The following NCAM2 variants were observed in gnomAD, a reference collection of about 807,000 sequenced individuals.
NCAM2 encodes N-CAM-2.
A neutral mutation model predicts 98.1 loss-of-function variants in NCAM2; 30 were observed. The observed-to-expected ratio is 0.31, with a 90% CI of 0.23 to 0.41. The LOEUF (loss-of-function observed/expected upper bound fraction) is 0.41. Among genes scored for constraint, NCAM2 ranks in the 10% least tolerant of loss-of-function variants. The probability of loss-of-function intolerance (pLI) is 1.00; values close to 1 mark genes in which losing one functional copy is unlikely to be tolerated. For missense variants in NCAM2, 867 were observed against 1,005.8 expected (o/e 0.86, Z 1.87); for synonymous variants, 368 against 342.4 (o/e 1.07, Z -0.83).
intron 16 of NCAM2, among the ~76,000 whole-genome samples, chr21:21,533,139 G>A (rs1315615697): frequency 2.9e-5 from 3 of 104,686 alleles, no homozygotes; most frequent in Non-Finnish European, 6.3e-5. Context: ...TCAATCTTTG[G>A]ACCATTGTAG....
chr21:21,253,836 C>G (rs2071562006), intron 1 of NCAM2, among the ~76,000 whole-genome samples: 1 of 151,976 alleles, frequency 6.6e-6, no homozygotes, highest in Non-Finnish European at 1.5e-5. Flanking sequence ...GTTCTAAGGC[C>G]CAGTAGGTAA....
At chr21:21,107,963 T>C (rs984518583) in intron 1 of NCAM2, among the ~76,000 whole-genome samples, 6 of 152,168 alleles carry the variant, frequency 3.9e-5, no homozygotes, top group South Asian at 2.1e-4. Flanking sequence ...AATTTATTAA[T>C]ATGTATTTGA....
At chr21:21,307,622 C>T (rs2073925989) in intron 5 of NCAM2, among the ~76,000 whole-genome samples, 1 of 152,088 alleles carries the variant, frequency 6.6e-6, no homozygotes. Context: ...TGGCAGAATC[C>T]AGCCTCTTTC....
chr21:21,093,273 T>C (rs1601345299), intron 1 of NCAM2, among the ~76,000 whole-genome samples: 1 of 152,140 alleles, frequency 6.6e-6, no homozygotes, highest in East Asian at 1.9e-4. Flanking sequence ...AGACTACCTC[T>C]TCTTCAGGGA....
chr21:21,103,163 G>A (rs2066279466), intron 1 of NCAM2, among the ~76,000 whole-genome samples: 1 of 151,880 alleles, frequency 6.6e-6, no homozygotes, highest in Non-Finnish European at 1.5e-5. Flanking sequence ...TATTATTGGG[G>A]GTGAAATCTC....
chr21:21,495,606 A>G (rs1160140716), intron 15 of NCAM2, among the ~76,000 whole-genome samples: 5 of 152,040 alleles, frequency 3.3e-5, no homozygotes, highest in Admixed American at 1.3e-4. Flanking sequence ...TACTGAATTC[A>G]CTTGCAAGCT....
chr21:21,152,724 C>T (rs1439980406), intron 1 of NCAM2, among the ~76,000 whole-genome samples: 2 of 151,908 alleles, frequency 1.3e-5, no homozygotes, highest in East Asian at 3.9e-4. Context: ...ACTTGGAAAT[C>T]TCTCAGCAAC....
chr21:21,275,384 G>A (rs928588856), intron 1 of NCAM2, among the ~76,000 whole-genome samples: 2 of 151,586 alleles, frequency 1.3e-5, no homozygotes, highest in African/African-American at 4.8e-5. Context: ...AGCTTGCAGT[G>A]AGCTGAGATC....
intron 15 of NCAM2, among the ~76,000 whole-genome samples, chr21:21,488,961 TTTTC>T (rs1986622769): frequency 6.6e-6 from 1 of 151,884 alleles, no homozygotes; most frequent in South Asian, 2.1e-4. Flanking sequence ...TTTAATTATG[TTTTC>T]TTTTTCTATT....
At chr21:21,321,584 A>G (rs181502237) in intron 5 of NCAM2, among the ~76,000 whole-genome samples, 1 of 152,274 alleles carries the variant, frequency 6.6e-6, no homozygotes, top group Admixed American at 6.5e-5. Context: ...ATCTTAAGTT[A>G]ATCTTTGTGT....
intron 1 of NCAM2, among the ~76,000 whole-genome samples, chr21:21,270,072 A>G (rs746743933): frequency 6.6e-6 from 1 of 152,168 alleles, no homozygotes; most frequent in Non-Finnish European, 1.5e-5. Context: ...GCACAGTGCA[A>G]ACACTCCTGT....
intron 5 of NCAM2, among the ~76,000 whole-genome samples, chr21:21,305,184 G>A (rs1444914004): frequency 6.6e-6 from 1 of 152,068 alleles, no homozygotes; most frequent in African/African-American, 2.4e-5. Context: ...TGAGCTTGGT[G>A]GTGGGCACCT....
chr21:21,301,281 C>T (rs1280604713), intron 5 of NCAM2, among the ~76,000 whole-genome samples: 1 of 151,752 alleles, frequency 6.6e-6, no homozygotes, highest in East Asian at 1.9e-4. Flanking sequence ...GCAGTTGTTT[C>T]TGGGGACTCA....
chr21:21,083,596 G>A (rs1427324362), intron 1 of NCAM2, among the ~76,000 whole-genome samples: 1 of 151,828 alleles, frequency 6.6e-6, no homozygotes, highest in East Asian at 1.9e-4. Flanking sequence ...CATATTTTTA[G>A]TAGAGATGAG....
At position 21,183,390 on chromosome 21, in the gene NCAM2, A is replaced by T. The variant is rs73334356; in HGVS notation, c.56-97188A>T. On this transcript the variant is annotated intron_variant, in intron 1 of 17. Transcript: ENST00000400546. ...AGAGCCACCGTGGATAGTGTCTATG[A>T]GAGAGAGAAACAAGCAGATCTGTCT... 3.4e-3 allele frequency among the ~76,000 whole-genome samples: 515 copies of T among 152,198 alleles called. 6 individuals carry two copies. The highest frequency in any genetic ancestry group is 0.012 in the African/African-American group (494 of 41,540).
At chr21:21,257,428 G>A (rs1478448250) in intron 1 of NCAM2, among the ~76,000 whole-genome samples, 2 of 152,140 alleles carry the variant, frequency 1.3e-5, no homozygotes, top group Non-Finnish European at 2.9e-5. Context: ...AGTCTTCTTG[G>A]TAATCATTAG....
rs232393 is a variant in NCAM2, at chr21:21,426,756, A to G, written c.1481-5352A>G. ...CCTGAGAAAAGTGGGACTGACATTC[A>G]CACCCCTCCAGCATTCTAAACTGTA... On this transcript the variant is annotated intron_variant, in intron 11 of 17. Coordinates refer to ENST00000400546, the MANE Select transcript of NCAM2 (RefSeq NM_004540.5). Among the ~76,000 whole-genome samples, 1,116 of 152,192 alleles carry G rather than the reference A, an allele frequency of 7.3e-3. 15 individuals carry two copies. Among genetic ancestry groups the G allele is most frequent in the African/African-American group, 0.025 (1,037 of 41,522 alleles).
At chr21:21,384,331 C>G (rs2076218232) in intron 9 of NCAM2, among the ~76,000 whole-genome samples, 2 of 151,414 alleles carry the variant, frequency 1.3e-5, no homozygotes, top group Non-Finnish European at 3.0e-5. Context: ...CTAACCTATG[C>G]TTGATGAATG....
rs1410426590 is a variant in NCAM2 at position 21,504,430 on chromosome 21, T to C, written c.2078-4421T>C. 2.4e-4 allele frequency among the ~76,000 whole-genome samples: 14 copies of C among 57,996 alleles called. No individual in the cohort carries two copies. The Admixed American group carries it at 3.4e-3, about 14-fold the overall frequency. 38.0% of individuals were successfully genotyped at this position (57,996 alleles called of 152,430 possible). ...ATTTAAATTATTACTTATGCTCAGGTTTGATTTCCTAAGTAATAAACCATG... is the reference window on the plus strand; with the variant it reads ...ATTTAAATTATTACTTATGCTCAGGCTTGATTTCCTAAGTAATAAACCATG... On this transcript the variant is annotated intron_variant, in intron 15 of 17. Transcript: ENST00000400546.
Sources: allele counts gnomAD v4.1 joint callset (sites outside exome capture counted in the v4.1 genomes callset), GRCh38; gene constraint gnomAD v4.1.1; transcripts MANE v1.5; gene names NCBI Gene and HGNC (gene_info 2026-07-23, HGNC 2026-07-21).